Variants in SYT13 observed in about 807,000 individuals in gnomAD.
SYT13 encodes synaptotagmin 13, also known as synaptotagmin-13.
In SYT13, 21 loss-of-function variants were observed where a neutral mutation model predicts 38.6. The observed-to-expected ratio is 0.54, with a 90% CI of 0.39 to 0.78. The LOEUF is 0.78. SYT13 is among the 30% of genes least tolerant of loss of function. The pLI, the probability that SYT13 is intolerant of heterozygous loss-of-function variation, is 0.00. For missense variants in SYT13, 495 were observed against 548.7 expected, an observed-to-expected ratio of 0.90 and a Z score of 0.98; for synonymous variants, 241 against 237.6, an observed-to-expected ratio of 1.01 and a Z score of -0.13.
rs1376788831 is a variant in SYT13 at position 45,252,788 on chromosome 11, G to A, written c.545-66C>T. On this transcript the variant is annotated intron_variant, in intron 3 of 5. Transcript: ENST00000020926. This position sits in a 1 kb window ranked among gnomAD's most constrained non-coding sequence, Gnocchi z 4.3. Reference sequence around the variant, plus strand: ...GGACAAGTGGAGGGGGCAGAAGCACGCCTTGCTTAGGGCTGTGGAATCCAG... The same window carrying A: ...GGACAAGTGGAGGGGGCAGAAGCACACCTTGCTTAGGGCTGTGGAATCCAG... 1.7e-5 allele frequency: 25 copies of A among 1,496,438 alleles called. No homozygotes were observed. Among genetic ancestry groups the A allele is most frequent in the East Asian group, 6.9e-5 (3 of 43,482 alleles). 92.7% of individuals were successfully genotyped at this position (1,496,438 alleles called of 1,614,324 possible). A position where few individuals can be genotyped will look rare whatever the true frequency, so the allele number is the denominator to read the frequency against.
intron 3 of SYT13, among the ~76,000 whole-genome samples, chr11:45,253,191 G>A (rs950901917): frequency 6.6e-6 from 1 of 152,206 alleles, no homozygotes; most frequent in Non-Finnish European, 1.5e-5. Context: ...ACAATGTGTG[G>A]CTCTGCCCAG....
chr11:45,275,873 A>G (rs939040169), intron 1 of SYT13, among the ~76,000 whole-genome samples: 3 of 152,218 alleles, frequency 2.0e-5, no homozygotes, highest in Admixed American at 1.3e-4. Context: ...AAAGATGACA[A>G]TAATAACATA....
rs68112111 is a variant in SYT13 at position 45,266,503 on chromosome 11, TACACACAC to T, written c.184-10620_184-10613del. 1.2e-4 allele frequency among the ~76,000 whole-genome samples: 17 copies of T among 147,382 alleles called. No homozygotes were observed. In the South Asian group the frequency reaches 2.2e-3, roughly 19 times the overall value. ...CATAATCCTTCCACTCCCTCTCAAATACACACACACACACACACACACACACACACATA... is the reference window on the plus strand; with the variant it reads ...CATAATCCTTCCACTCCCTCTCAAATACACACACACACACACACACACATA... On this transcript the variant is annotated intron_variant, in intron 1 of 5. Transcript: ENST00000020926.
At chr11:45,246,559 C>G in intron 4 of SYT13, 47 bp from the exon 5 acceptor site, 2 of 1,595,840 alleles carry the variant, frequency 1.3e-6, no homozygotes, top group Non-Finnish European at 1.7e-6. Flanking sequence ...CCTGGGGACG[C>G]CTTCCAACCC....
rs964742631 is a variant in SYT13, at chr11:45,269,840, C to G, written c.184-13949G>C. ...GGAAAAGTTTGAATCATTGTTTTTG[C>G]TTTTCTGGCAGGTGTCACATCATTA... is the stretch of plus-strand genomic sequence containing the variant. On this transcript the variant is annotated intron_variant, in intron 1 of 5. Transcript: ENST00000020926. 2.0e-5 allele frequency among the ~76,000 whole-genome samples: 3 copies of G among 152,132 alleles called. No homozygotes were observed. In the East Asian group the frequency reaches 5.8e-4, roughly 29 times the overall value.
At chr11:45,260,628 G>A (rs1854803468) in intron 1 of SYT13, among the ~76,000 whole-genome samples, 1 of 152,216 alleles carries the variant, frequency 6.6e-6, no homozygotes, top group Admixed American at 6.5e-5. Context: ...AGCCTGGGAA[G>A]TATATCTGCA....
In SYT13 at chr11:45,252,755, C is replaced by T. The variant is rs1419905456; in HGVS notation, c.545-33G>A. The T allele has an allele frequency of 5.2e-5, 80 of 1,526,870 alleles. No individual in the cohort carries two copies. The highest frequency in any genetic ancestry group is 6.8e-5 in the Non-Finnish European group (77 of 1,132,074). 94.6% of individuals were successfully genotyped at this position (1,526,870 alleles called of 1,614,324 possible). On this transcript the variant is annotated intron_variant, in intron 3 of 5. Transcript: ENST00000020926. The surrounding 1 kb of genome is among the most constrained non-coding windows in gnomAD (Gnocchi z 4.3). ...CAAGGAGAACAACACAGGCGTGGGA[C>T]TTTCTGAGGACAAGTGGAGGGGGCA...
Position 45,252,547 on chromosome 11 carries a change from C to T in SYT13, c.720G>A (p.Thr240=), listed in dbSNP as rs150550915. The change falls in exon 4 of 6, where the codon ACG becomes ACA. Residue 240 remains threonine, a synonymous_variant. Coordinates refer to ENST00000020926, the MANE Select transcript of SYT13 (RefSeq NM_020826.3). This position sits in a 1 kb window ranked among gnomAD's most constrained non-coding sequence, Gnocchi z 4.3. ...AEEELPTATL[T]LTLRTCDRFS... ...AGCGGTCGCAGGTCCTCAAGGTCAG[C>T]GTCAGGGTGGCTGTGGGGAGCTCCT... 325 of 1,614,132 alleles carry T rather than the reference C, an allele frequency of 2.0e-4. 2 individuals are homozygous for T. In the South Asian group the frequency reaches 2.9e-3, roughly 15 times the overall value.
In SYT13 at chr11:45,255,714, G is replaced by T. The variant is rs369992005; in HGVS notation, c.361C>A (p.Arg121Ser). ...PASPQPPNDSRLKRQVTEELF... is the reference protein window; with the variant it reads ...PASPQPPNDSSLKRQVTEELF... The stretch of plus-strand genomic sequence containing the variant: ...TCCTCTGTGACCTGCCTCTTGAGGC[G>T]ACTGTCATTCGGGGGTTGGGGGCTG... The change falls in exon 2 of 6, where the codon CGC becomes AGC. Residue 121 changes from arginine (R) to serine (S), a missense_variant. By Grantham distance (110) the Arg-to-Ser change is moderately radical (BLOSUM62 -1). Transcript: ENST00000020926. The T allele has an allele frequency of 3.1e-6, 5 of 1,614,112 alleles. No homozygotes were observed. The highest frequency in any genetic ancestry group is 4.2e-6 in the Non-Finnish European group (5 of 1,180,030).
chr11:45,265,786 C>T (rs1710931781), intron 1 of SYT13, among the ~76,000 whole-genome samples: 1 of 152,122 alleles, frequency 6.6e-6, no homozygotes, highest in African/African-American at 2.4e-5. Flanking sequence ...GGCACACATT[C>T]GTTCCCTAAT....
intron 1 of SYT13, among the ~76,000 whole-genome samples, chr11:45,283,012 G>A (rs907100541): frequency 2.6e-5 from 4 of 152,136 alleles, no homozygotes; most frequent in African/African-American, 9.7e-5. Context: ...GTCAGGCGTG[G>A]TGGCACGTGC....
chr11:45,248,722 G>A (rs6485605), intron 4 of SYT13, among the ~76,000 whole-genome samples: 63,569 of 152,064 alleles, frequency 0.42, 13,570 homozygotes, highest in Non-Finnish European at 0.46. Context: ...GGTAGCCCGG[G>A]CTATAGCCAC....
At chr11:45,269,867 A>C (rs1221803865) in intron 1 of SYT13, among the ~76,000 whole-genome samples, 1 of 152,226 alleles carries the variant, frequency 6.6e-6, no homozygotes, top group East Asian at 1.9e-4. Flanking sequence ...ACATCATTAG[A>C]TGTCAAAACA....
chr11:45,263,157 G>C (rs1048387396), intron 1 of SYT13, among the ~76,000 whole-genome samples: 2 of 152,140 alleles, frequency 1.3e-5, no homozygotes, highest in Non-Finnish European at 2.9e-5. Flanking sequence ...ATGGCACGGG[G>C]GGTGGAACCT....
chr11:45,283,112 C>T (rs1028716697), intron 1 of SYT13, among the ~76,000 whole-genome samples: 2 of 152,192 alleles, frequency 1.3e-5, no homozygotes, highest in Non-Finnish European at 2.9e-5. Flanking sequence ...CACACCACTG[C>T]ACTCCAGCCT....
chr11:45,285,981 A>AC, intron 1 of SYT13, 44 bp downstream of exon 1: 2 of 1,579,476 alleles, frequency 1.3e-6, no homozygotes, highest in Non-Finnish European at 1.7e-6. Context: ...CTGCCCGGCA[A>AC]CCCCGCCTTG....
At position 45,251,707 on chromosome 11, in the gene SYT13, T is replaced by G. The variant is rs75301519; in HGVS notation, c.846+714A>C. Among the ~76,000 whole-genome samples the G allele has an allele frequency of 7.1e-3, 1,085 of 152,180 alleles. 14 individuals are homozygous for G. Among genetic ancestry groups the G allele is most frequent in the African/African-American group, 0.025 (1,038 of 41,528 alleles). ...CCTGGCGCATGGGAAACAATGATTT[T>G]CTCCCCAAGGGTCCCCTCTCTTGAG... is the stretch of plus-strand genomic sequence containing the variant. On this transcript the variant is annotated intron_variant, in intron 4 of 5. Transcript: ENST00000020926.
At position 45,254,928 on chromosome 11, in the gene SYT13, A is replaced by G. The variant is rs183658850; in HGVS notation, c.410-524T>C. Among the ~76,000 whole-genome samples the G allele has an allele frequency of 3.9e-4, 58 of 149,350 alleles. 1 individual carries two copies. The highest frequency in any genetic ancestry group is 3.4e-3 in the Middle Eastern group (1 of 292). On this transcript the variant is annotated intron_variant, in intron 2 of 5. Transcript: ENST00000020926. The stretch of plus-strand genomic sequence containing the variant: ...CAGGAATTTGAGACCAGCCTGGGCC[A>G]CATAGTGAGATCTCATGTCTACAAA...
intron 1 of SYT13, among the ~76,000 whole-genome samples, chr11:45,267,336 T>G (rs1463490346): frequency 1.3e-5 from 2 of 152,194 alleles, no homozygotes; most frequent in Non-Finnish European, 2.9e-5. Context: ...CCCAGGACGC[T>G]GCCTGGTCCC....
Sources: allele counts gnomAD v4.1 joint callset (sites outside exome capture counted in the v4.1 genomes callset), GRCh38; gene constraint gnomAD v4.1.1; non-coding constraint Gnocchi (gnomAD v3.1); transcripts MANE v1.5; gene names NCBI Gene and HGNC (gene_info 2026-07-23, HGNC 2026-07-21).